The following GLG1 variants were observed in gnomAD, a reference collection of about 807,000 sequenced individuals.
GLG1 encodes the protein Golgi apparatus protein 1.
A neutral mutation model predicts 160.5 loss-of-function variants in GLG1; 38 were observed. The ratio of observed to expected loss-of-function variants is 0.24; its 90% confidence interval spans 0.18 to 0.31. GLG1 has a LOEUF of 0.31. Ranked by LOEUF, GLG1 falls within the 10% of genes least tolerant of loss-of-function variation. GLG1 has a pLI of 1.00. For synonymous variants in GLG1, 644 were observed against 543.4 expected (o/e 1.19, Z -2.57); for missense variants, 1,373 against 1,505.2 (o/e 0.91, Z 1.45).
chr16:74,573,816 C>A (rs1282183207), intron 1 of GLG1, among the ~76,000 whole-genome samples: 2 of 148,764 alleles, frequency 1.3e-5, no homozygotes, highest in South Asian at 2.1e-4. Context: ...TTTTTTTAAA[C>A]GGGGTCTCAC....
intron 1 of GLG1, among the ~76,000 whole-genome samples, chr16:74,574,883 CAAAAAAAAAAAAAAAAAAAAAA>C (rs531720341): frequency 8.1e-5 from 2 of 24,792 alleles, no homozygotes; most frequent in Non-Finnish European, 1.2e-4. Context: ...GACTCTGTCT[CAAAAAAAAAAAAAAAAAAAAAA>C]AAAAAAAAGA....
chr16:74,497,681 C>T (rs1279101361), intron 4 of GLG1, among the ~76,000 whole-genome samples: 3 of 152,136 alleles, frequency 2.0e-5, no homozygotes, highest in Non-Finnish European at 2.9e-5. Context: ...TCGTGATCCG[C>T]CCGCCTCGGC....
intron 1 of GLG1, among the ~76,000 whole-genome samples, chr16:74,580,378 C>T (rs960652589): frequency 6.6e-6 from 1 of 151,960 alleles, no homozygotes; most frequent in Non-Finnish European, 1.5e-5. Flanking sequence ...ATCTGCCTGT[C>T]GTCCCTGCTA....
intron 1 of GLG1, among the ~76,000 whole-genome samples, chr16:74,561,088 G>A (rs2018500878): frequency 6.6e-6 from 1 of 152,178 alleles, no homozygotes; most frequent in African/African-American, 2.4e-5. Context: ...TGCCCAGCTG[G>A]AGGGATGGGG....
rs192936708 is a variant in GLG1 at position 74,569,139 on chromosome 16, A to G, written c.439-36986T>C. ...GGCATCTCAAAAGGCTACACCCTTA[A>G]GACAAGGGTGAATCAGAAGTAAACC... On this transcript the variant is annotated intron_variant, in intron 1 of 25. Coordinates refer to ENST00000422840, the MANE Select transcript of GLG1 (RefSeq NM_001145667.2). Among the ~76,000 whole-genome samples the G allele has an allele frequency of 3.3e-5, 5 of 152,348 alleles. No individual in the cohort carries two copies. In the East Asian group the frequency reaches 9.6e-4, roughly 29 times the overall value.
chr16:74,453,647 C>G (rs2014413463), intron 25 of GLG1, among the ~76,000 whole-genome samples: 1 of 152,182 alleles, frequency 6.6e-6, no homozygotes, highest in African/African-American at 2.4e-5. Context: ...AGGGCTCCCC[C>G]TGCCCTCACT....
chr16:74,471,719 T>C (rs2015215220), intron 14 of GLG1, among the ~76,000 whole-genome samples: 1 of 152,160 alleles, frequency 6.6e-6, no homozygotes, highest in Non-Finnish European at 1.5e-5. Flanking sequence ...TAACAATTCC[T>C]GGGCAGATGC....
intron 1 of GLG1, among the ~76,000 whole-genome samples, chr16:74,591,667 C>T (rs1347799667): frequency 6.6e-6 from 1 of 152,008 alleles, no homozygotes; most frequent in African/African-American, 2.4e-5. Flanking sequence ...ATTTTTTGCG[C>T]TGTCCTTAAC....
rs568581136 is a variant in GLG1 at position 74,545,249 on chromosome 16, C to T, written c.439-13096G>A. ...AGGCTAGAGTGCAGTGGTACAATCTCAGTTCACTGAAGCCTCAACCTCCCA... is the reference window on the plus strand; with the variant it reads ...AGGCTAGAGTGCAGTGGTACAATCTTAGTTCACTGAAGCCTCAACCTCCCA... On this transcript the variant is annotated intron_variant, in intron 1 of 25. Transcript: ENST00000422840. Among the ~76,000 whole-genome samples the T allele has an allele frequency of 1.5e-3, 232 of 152,182 alleles. 3 individuals carry two copies. The highest frequency in any genetic ancestry group is 0.015 in the South Asian group (73 of 4,824).
At chr16:74,518,538 C>A (rs2017059701) in intron 2 of GLG1, among the ~76,000 whole-genome samples, 1 of 152,090 alleles carries the variant, frequency 6.6e-6, no homozygotes, top group African/African-American at 2.4e-5. Context: ...ACACCTTATA[C>A]AAAAATAAAC....
intron 1 of GLG1, among the ~76,000 whole-genome samples, chr16:74,554,194 A>G (rs909505375): frequency 5.9e-5 from 9 of 152,244 alleles, no homozygotes; most frequent in Non-Finnish European, 1.3e-4. Flanking sequence ...TTATTTATTT[A>G]AACCCTACTT....
intron 1 of GLG1, among the ~76,000 whole-genome samples, chr16:74,558,318 T>C (rs1432577012): frequency 6.6e-6 from 1 of 152,184 alleles, no homozygotes; most frequent in Admixed American, 6.5e-5. Flanking sequence ...CAAGTGTTAG[T>C]ATCAGCAAAA....
At chr16:74,503,492 T>A in intron 4 of GLG1, 39 bp downstream of exon 4, 1 of 1,355,830 alleles carries the variant, frequency 7.4e-7, no homozygotes, top group Non-Finnish European at 1.1e-6. Flanking sequence ...ACACCAAATT[T>A]TAAGACCCCT....
chr16:74,595,102 G>C (rs973279991), intron 1 of GLG1, among the ~76,000 whole-genome samples: 1 of 151,822 alleles, frequency 6.6e-6, no homozygotes, highest in Middle Eastern at 3.4e-3. Flanking sequence ...GCAGGAGAAC[G>C]GCATGAACCC....
At chr16:74,460,152 G>A (rs910438923) in intron 22 of GLG1, among the ~76,000 whole-genome samples, 1 of 152,002 alleles carries the variant, frequency 6.6e-6, no homozygotes, top group African/African-American at 2.4e-5. Flanking sequence ...CTCCTGAGTA[G>A]CTGGAATTAC....
chr16:74,461,107 C>G (rs2014774007), intron 22 of GLG1, among the ~76,000 whole-genome samples: 3 of 151,848 alleles, frequency 2.0e-5, no homozygotes, highest in African/African-American at 7.3e-5. Context: ...AAGGCCTTTT[C>G]TAGCTAAGAA....
At chr16:74,502,940 C>T (rs2016463465) in intron 4 of GLG1, among the ~76,000 whole-genome samples, 1 of 151,426 alleles carries the variant, frequency 6.6e-6, no homozygotes, top group South Asian at 2.1e-4. Context: ...GGACCGGTGG[C>T]TCACGTCTGT....
At chr16:74,465,562 GCTC>G in intron 19 of GLG1, 111 bp downstream of exon 19, 1 of 1,030,436 alleles carries the variant, frequency 9.7e-7, no homozygotes, top group South Asian at 1.5e-5. Context: ...TGCTGCTGCT[GCTC>G]GTCTAGGGAC....
chr16:74,460,025 T>A (rs1393796270), intron 22 of GLG1, among the ~76,000 whole-genome samples: 1 of 148,434 alleles, frequency 6.7e-6, no homozygotes, highest in East Asian at 2.0e-4. Context: ...CTGGCTGATT[T>A]TTTTTTTTTT....
Sources: allele counts gnomAD v4.1 joint callset (sites outside exome capture counted in the v4.1 genomes callset), GRCh38; gene constraint gnomAD v4.1.1; transcripts MANE v1.5; gene names NCBI Gene and HGNC (gene_info 2026-07-23, HGNC 2026-07-21).